Variants in ATL2 observed in about 807,000 individuals in gnomAD.
ATL2 encodes the protein atlastin-2.
ATL2 carries 31 observed loss-of-function variants against 73.9 expected under a neutral mutation model. The observed-to-expected ratio is 0.42, with a 90% CI of 0.32 to 0.57. ATL2 has a LOEUF of 0.57. Ranked by LOEUF, ATL2 falls within the 20% of genes least tolerant of loss-of-function variation. ATL2 has a pLI of 0.14. For synonymous variants in ATL2, 291 were observed against 237.5 expected (o/e 1.23, Z -2.07); for missense variants, 738 against 702.6 (o/e 1.05, Z -0.57).
At chr2:38,365,265 T>C (rs1671256731) in intron 1 of ATL2, among the ~76,000 whole-genome samples, 1 of 151,870 alleles carries the variant, frequency 6.6e-6, no homozygotes, top group Non-Finnish European at 1.5e-5. Flanking sequence ...CTATGACAAA[T>C]TTCAAAAAGC....
intron 1 of ATL2, among the ~76,000 whole-genome samples, chr2:38,361,659 G>A (rs970974909): frequency 2.0e-5 from 3 of 152,058 alleles, no homozygotes; most frequent in Non-Finnish European, 4.4e-5. Flanking sequence ...GGCTACTTGG[G>A]TATCTATTTT....
intron 7 of ATL2, among the ~76,000 whole-genome samples, chr2:38,312,407 T>C (rs1049689789): frequency 1.3e-5 from 2 of 151,514 alleles, no homozygotes; most frequent in Non-Finnish European, 2.9e-5. Context: ...TCTCCTGCCA[T>C]CTTGTGAAGA....
At chr2:38,319,151 C>A in intron 2 of ATL2, 132 bp from the exon 3 acceptor site, 2 of 952,162 alleles carry the variant, frequency 2.1e-6, no homozygotes, top group Admixed American at 2.5e-5. Flanking sequence ...GTGTAACAAA[C>A]AAGTAGTTAC....
chr2:38,323,591 C>A (rs2148445567), intron 2 of ATL2, among the ~76,000 whole-genome samples: 1 of 152,062 alleles, frequency 6.6e-6, no homozygotes, highest in South Asian at 2.1e-4. Flanking sequence ...AATTAAGAAA[C>A]CTTACCTATT....
rs55775328 is a variant in ATL2, at chr2:38,340,180, G to C, written c.363+3088C>G. ...CAGCAGTTAGTTTTGGTGGGGGGGGGGGGGGGGTAGACATTAACTGAGAAG... is the reference window on the plus strand; with the variant it reads ...CAGCAGTTAGTTTTGGTGGGGGGGGCGGGGGGGTAGACATTAACTGAGAAG... On this transcript the variant is annotated intron_variant, in intron 2 of 12. Coordinates refer to ENST00000378954, the MANE Select transcript of ATL2 (RefSeq NM_001135673.4). Among the ~76,000 whole-genome samples the C allele has an allele frequency of 9.3e-3, 927 of 99,606 alleles. 149 individuals carry two copies. In the East Asian group the frequency reaches 0.11, roughly 12 times the overall value. The allele number at this position is 99,606 out of a possible 152,430, so 65.3% of individuals were successfully genotyped here.
chr2:38,300,534 A>G (rs190829780), intron 9 of ATL2: 60 of 398,410 alleles, frequency 1.5e-4, no homozygotes, highest in African/African-American at 1.2e-3. Flanking sequence ...AGGTATTTCT[A>G]TAACAAATAT....
upstream of ATL2, among the ~76,000 whole-genome samples, chr2:38,378,218 T>TA (rs1296061058): frequency 1.3e-5 from 2 of 152,248 alleles, no homozygotes; most frequent in African/African-American, 4.8e-5. Context: ...AGCTGTTTTG[T>TA]CCAGGTCTTT....
intron 6 of ATL2, among the ~76,000 whole-genome samples, chr2:38,313,494 GT>G (rs1356473517): frequency 6.6e-6 from 1 of 152,076 alleles, no homozygotes; most frequent in Non-Finnish European, 1.5e-5. Flanking sequence ...ACCACAAGCA[GT>G]AATACAGGAC....
intron 1 of ATL2, among the ~76,000 whole-genome samples, chr2:38,349,876 C>A (rs1670242434): frequency 6.6e-6 from 1 of 152,026 alleles, no homozygotes; most frequent in African/African-American, 2.4e-5. Flanking sequence ...AGAAGGGTAG[C>A]AAATAGATTT....
rs368267331 is a variant in ATL2 at position 38,298,195 on chromosome 2, G to C, written c.1581C>G (p.Phe527Leu). 2 of 1,613,824 alleles carry C rather than the reference G, an allele frequency of 1.2e-6. No individual in the cohort carries two copies. The highest frequency in any genetic ancestry group is 1.7e-6 in the Non-Finnish European group (2 of 1,179,946). Residue 527 changes from phenylalanine (F) to leucine (L), a missense_variant, in exon 12 of 13, where the codon TTC becomes TTG. Transcript: ENST00000378954. ...TWAYVKYSGE[F>L]REIGTVIDQI... is the part of the protein sequence containing the mutation. ...GATCAATCACTGTTCCAATTTCTCT[G>C]AACTCCCCAGAGTATTTAACATATG...
At chr2:38,314,306 G>T (rs1667909802) in intron 6 of ATL2, among the ~76,000 whole-genome samples, 1 of 151,988 alleles carries the variant, frequency 6.6e-6, no homozygotes, top group South Asian at 2.1e-4. Flanking sequence ...AAAAAAAAAT[G>T]GCATGACTGT....
chr2:38,329,741 A>G (rs971701848), intron 2 of ATL2, among the ~76,000 whole-genome samples: 2 of 152,212 alleles, frequency 1.3e-5, no homozygotes, highest in Non-Finnish European at 2.9e-5. Flanking sequence ...AAAAAGAATT[A>G]CACACCATGA....
In ATL2 at chr2:38,298,231, A is replaced by G. The variant is rs764163839; in HGVS notation, c.1545T>C (p.Leu515=). ...NLVMGLALIF[L]CTWAYVKYSG... ...AGTATTTAACATATGCCCAAGTACA[A>G]AGAAATATCAGTGCTAACCCCATGA... Residue 515 remains leucine, a synonymous_variant, in exon 12 of 13, where the codon CTT becomes CTC. Coordinates refer to ENST00000378954, the MANE Select transcript of ATL2 (RefSeq NM_001135673.4). The G allele has an allele frequency of 1.2e-6, 2 of 1,614,174 alleles. No homozygotes were observed. Among genetic ancestry groups the G allele is most frequent in the Non-Finnish European group, 1.7e-6 (2 of 1,179,998 alleles).
At chr2:38,322,064 G>GT (rs983565807) in intron 2 of ATL2, among the ~76,000 whole-genome samples, 1 of 152,062 alleles carries the variant, frequency 6.6e-6, no homozygotes, top group African/African-American at 2.4e-5. Flanking sequence ...TGGTTTTGCA[G>GT]TTTTTTTGTG....
At chr2:38,361,631 G>C (rs1419696734) in intron 1 of ATL2, among the ~76,000 whole-genome samples, 2 of 152,140 alleles carry the variant, frequency 1.3e-5, no homozygotes, top group Admixed American at 6.5e-5. Flanking sequence ...CAAATATTAT[G>C]TATTAGATTA....
At chr2:38,311,459 A>C (rs1443734453) in intron 7 of ATL2, among the ~76,000 whole-genome samples, 1 of 152,206 alleles carries the variant, frequency 6.6e-6, no homozygotes, top group African/African-American at 2.4e-5. Flanking sequence ...AAACTACCTA[A>C]ATCTCCCATC....
At chr2:38,370,889 T>A (rs781523964) in intron 1 of ATL2, among the ~76,000 whole-genome samples, 6 of 150,326 alleles carry the variant, frequency 4.0e-5, no homozygotes, top group Non-Finnish European at 8.9e-5. Context: ...CCCCAGAAGT[T>A]CAAGGTTGCA....
At chr2:38,354,140 C>T (rs1230501565) in intron 1 of ATL2, 4 of 417,630 alleles carry the variant, frequency 9.6e-6, no homozygotes, top group African/African-American at 6.9e-5. Context: ...AAGCGAAGAT[C>T]GTGCCACTGC....
At chr2:38,359,295 C>A (rs1182044925) in intron 1 of ATL2, among the ~76,000 whole-genome samples, 4 of 152,016 alleles carry the variant, frequency 2.6e-5, no homozygotes, top group Admixed American at 6.6e-5. Context: ...CATGGTGAAA[C>A]CCTGTCTCCA....
Sources: gnomAD v4.1 joint callset for allele counts (sites outside exome capture counted in the v4.1 genomes callset) on GRCh38, gnomAD v4.1.1 for gene constraint, MANE v1.5 for transcripts, NCBI Gene and HGNC (gene_info 2026-07-23, HGNC 2026-07-21) for gene names.